GLO1: variants seen among roughly 807,000 people sequenced by gnomAD.
GLO1 encodes glyoxalase I, also known as lactoylglutathione lyase.
A neutral mutation model predicts 26.0 loss-of-function variants in GLO1; 28 were observed. The observed-to-expected ratio is 1.08, with a 90% CI of 0.80 to 1.48. The LOEUF (loss-of-function observed/expected upper bound fraction) is 1.48. GLO1 is among the 40% of genes most tolerant of loss of function. GLO1 has a pLI of 0.00. For synonymous variants in GLO1, 78 were observed against 77.6 expected (o/e 1.00, Z -0.03); for missense variants, 225 against 224.8 (o/e 1.00, Z -0.01).
intron 2 of GLO1, among the ~76,000 whole-genome samples, chr6:38,686,641 G>A (rs1761462849): frequency 6.6e-6 from 1 of 152,224 alleles, no homozygotes; most frequent in Non-Finnish European, 1.5e-5. Flanking sequence ...ATTTAGCTGG[G>A]AGCGCTCAGA....
At chr6:38,694,103 G>A (rs1761574416) in intron 1 of GLO1, among the ~76,000 whole-genome samples, 1 of 152,132 alleles carries the variant, frequency 6.6e-6, no homozygotes, top group Admixed American at 6.6e-5. Flanking sequence ...CCCAGTGCTT[G>A]AAGATGTTCT....
At chr6:38,677,792 A>T (rs1582771853) in intron 5 of GLO1, among the ~76,000 whole-genome samples, 1 of 152,282 alleles carries the variant, frequency 6.6e-6, no homozygotes, top group Non-Finnish European at 1.5e-5. Context: ...TTAAATTTTA[A>T]AAATTCTTAT....
chr6:38,685,435 G>A (rs1761449087), intron 2 of GLO1, among the ~76,000 whole-genome samples: 1 of 152,106 alleles, frequency 6.6e-6, no homozygotes, highest in Non-Finnish European at 1.5e-5. Flanking sequence ...GGTGGCATGA[G>A]AATGCATATA....
Position 38,677,131 on chromosome 6 carries a change from A to AAAC in GLO1, c.*163_*164insGTT. 1 of 635,116 alleles carries AAAC rather than the reference A, an allele frequency of 1.6e-6. No homozygotes were observed. The highest frequency in any genetic ancestry group is 2.8e-6 in the Non-Finnish European group (1 of 358,576). The allele number at this position is 635,116 out of a possible 1,614,324, so 39.3% of individuals were successfully genotyped here. ...ACTGCTTGAAAACCAGAATGACTGAACAGTTAGGTGAAAAGGAACAGCTGA... is the reference window on the plus strand; with the variant it reads ...ACTGCTTGAAAACCAGAATGACTGAAAACCAGTTAGGTGAAAAGGAACAGCTGA... On this transcript the variant is annotated 3_prime_UTR_variant, in exon 6 of 6. Transcript: ENST00000373365.
intron 3 of GLO1, chr6:38,683,139 C>G (rs1458932694): frequency 1.1e-5 from 4 of 374,976 alleles, no homozygotes; most frequent in African/African-American, 8.2e-5. Context: ...GTGCTAAGTA[C>G]TTTATATTTC....
At chr6:38,699,316 T>C (rs1582783106) in intron 1 of GLO1, among the ~76,000 whole-genome samples, 1 of 152,356 alleles carries the variant, frequency 6.6e-6, no homozygotes, top group South Asian at 2.1e-4. Flanking sequence ...GTTATCTTCG[T>C]AAGCTGAGGA....
At chr6:38,698,860 CT>C (rs1217211977) in intron 1 of GLO1, among the ~76,000 whole-genome samples, 1 of 152,072 alleles carries the variant, frequency 6.6e-6, no homozygotes, top group Non-Finnish European at 1.5e-5. Context: ...AAACGAGACC[CT>C]CATATCACTT....
chr6:38,693,685 C>CTCTCTCTCTCTCTCTCTCTATA (rs869232489), intron 1 of GLO1, among the ~76,000 whole-genome samples: 4 of 86,456 alleles, frequency 4.6e-5, no homozygotes, highest in Non-Finnish European at 9.7e-5. Flanking sequence ...CTCTCTCTCT[C>CTCTCTCTCTCTCTCTCTCTATA]TATATATATA....
chr6:38,700,438 T>C (rs757176625), intron 1 of GLO1, among the ~76,000 whole-genome samples: 13 of 152,226 alleles, frequency 8.5e-5, no homozygotes, highest in Non-Finnish European at 1.6e-4. Flanking sequence ...CTCTGAGATA[T>C]CTTTATGCTC....
chr6:38,683,267 G>C (rs1189219932), intron 3 of GLO1: 1 of 163,412 alleles, frequency 6.1e-6, no homozygotes, highest in Admixed American at 6.4e-5. Flanking sequence ...TGATTCCAAA[G>C]CTTTATTTTG....
rs34141605 is a variant in GLO1 at position 38,700,783 on chromosome 6, GT to G, written c.84+2187del. On this transcript the variant is annotated intron_variant, in intron 1 of 5. Transcript: ENST00000373365. ...TCAAACTGAATTTAATTCATTGAGGGTTTTTTTTTTTTTTTGGACAAAGTCT... is the reference window on the plus strand; with the variant it reads ...TCAAACTGAATTTAATTCATTGAGGGTTTTTTTTTTTTTTGGACAAAGTCT... Among the ~76,000 whole-genome samples the G allele has an allele frequency of 6.2e-3, 868 of 139,252 alleles. 6 individuals are homozygous for G. Among genetic ancestry groups the G allele is most frequent in the African/African-American group, 0.018 (688 of 38,012 alleles). The allele number at this position is 139,252 out of a possible 152,430, so 91.4% of individuals were successfully genotyped here. A position where few individuals can be genotyped will look rare whatever the true frequency, so the allele number is the denominator to read the frequency against.
intron 1 of GLO1, among the ~76,000 whole-genome samples, chr6:38,694,282 G>A (rs936337885): frequency 3.3e-5 from 5 of 152,006 alleles, no homozygotes; most frequent in South Asian, 2.1e-4. Flanking sequence ...GTTGTTGTTC[G>A]GTAGAACATT....
chr6:38,693,685 C>CTCTCTA (rs869232489), intron 1 of GLO1, among the ~76,000 whole-genome samples: 120 of 86,438 alleles, frequency 1.4e-3, no homozygotes, highest in African/African-American at 4.2e-3. Flanking sequence ...CTCTCTCTCT[C>CTCTCTA]TATATATATA....
chr6:38,680,693 A>C (rs955995178), intron 5 of GLO1, among the ~76,000 whole-genome samples: 1 of 152,158 alleles, frequency 6.6e-6, no homozygotes, highest in African/African-American at 2.4e-5. Context: ...AGTTTGAGAC[A>C]AACCTGGGCA....
intron 2 of GLO1, among the ~76,000 whole-genome samples, chr6:38,686,130 G>A (rs1051480249): frequency 6.6e-6 from 1 of 152,156 alleles, no homozygotes; most frequent in African/African-American, 2.4e-5. Context: ...CTGGACAGCA[G>A]TTATCTCTGG....
chr6:38,693,685 C>CTCTCTCTCTCTCTCTATATATA (rs869232489), intron 1 of GLO1, among the ~76,000 whole-genome samples: 23 of 86,432 alleles, frequency 2.7e-4, no homozygotes, highest in East Asian at 1.2e-3. Flanking sequence ...CTCTCTCTCT[C>CTCTCTCTCTCTCTCTATATATA]TATATATATA....
intron 1 of GLO1, among the ~76,000 whole-genome samples, chr6:38,688,998 T>A (rs1300881949): frequency 6.6e-6 from 1 of 152,080 alleles, no homozygotes; most frequent in Non-Finnish European, 1.5e-5. Context: ...ATTCCAAGTG[T>A]GAGAAGGGGC....
At chr6:38,680,919 T>C (rs1761363210) in intron 5 of GLO1, among the ~76,000 whole-genome samples, 1 of 152,098 alleles carries the variant, frequency 6.6e-6, no homozygotes, top group Admixed American at 6.5e-5. Context: ...AAGAGATATA[T>C]GAAGAAAAAG....
Position 38,702,945 on chromosome 6 carries a change from GCCGTTC to G in GLO1, c.84+20_84+25del. 1 of 1,328,878 alleles carries G rather than the reference GCCGTTC, an allele frequency of 7.5e-7. No individual in the cohort carries two copies. Among genetic ancestry groups the G allele is most frequent in the African/African-American group, 1.4e-5 (1 of 69,036 alleles). 82.3% of individuals were successfully genotyped at this position (1,328,878 alleles called of 1,614,324 possible). On this transcript the variant is annotated intron_variant, in intron 1 of 5. Coordinates refer to ENST00000373365, the MANE Select transcript of GLO1 (RefSeq NM_006708.3). ...GTCCCGGCCCAGCGGAGCTGGGGGA[GCCGTTC>G]CCTTCGGTCCTGTGCCCACCTTGGT...
Sources: allele counts gnomAD v4.1 joint callset (sites outside exome capture counted in the v4.1 genomes callset), GRCh38; gene constraint gnomAD v4.1.1; transcripts MANE v1.5; gene names NCBI Gene and HGNC (gene_info 2026-07-23, HGNC 2026-07-21).